Variants in IFT80 observed in about 807,000 individuals in gnomAD.
The protein encoded by IFT80 is intraflagellar transport 80, also known as intraflagellar transport protein 80 homolog.
Under a neutral mutation model 107.9 loss-of-function variants are expected in IFT80, and 79 were observed. That is an observed-to-expected ratio of 0.73 (90% CI 0.61 to 0.88). The LOEUF (loss-of-function observed/expected upper bound fraction) is 0.88, where lower values mean the gene tolerates loss of function less well. Ranked by LOEUF, IFT80 falls within the 40% of genes least tolerant of loss-of-function variation. IFT80 has a pLI of 0.00. For synonymous variants in IFT80, 299 were observed against 300.9 expected (o/e 0.99, Z 0.07); for missense variants, 797 against 914.2 (o/e 0.87, Z 1.65).
chr3:160,344,730 C>T (rs896586593), intron 8 of IFT80, among the ~76,000 whole-genome samples: 2 of 151,918 alleles, frequency 1.3e-5, no homozygotes, highest in African/African-American at 4.8e-5. Flanking sequence ...ATAAGGAGAC[C>T]CAACAACCCC....
chr3:160,377,468 G>C lies in IFT80; in HGVS notation c.332C>G (p.Ala111Gly), dbSNP rs557375681. 6 of 1,609,440 alleles carry C rather than the reference G, an allele frequency of 3.7e-6. No individual in the cohort carries two copies. The South Asian group carries it at 6.6e-5, about 18-fold the overall frequency. ...TGTTCCTTCATAATTCCATCTTCCT[G>C]CAAGTACTGCTCCACAGTGAGCTTC... Reference protein sequence around the residue: ...SVEAHCGAVLAGRWNYEGTAL... With the variant: ...SVEAHCGAVLGGRWNYEGTAL... Residue 111 changes from alanine to glycine, a missense_variant, in exon 4 of 20, where the codon GCA (alanine) becomes GGA (glycine). Ala to Gly is a moderately conservative substitution (Grantham distance 60). Transcript: ENST00000326448.
At chr3:160,347,811 G>A (rs549506161) in intron 8 of IFT80, among the ~76,000 whole-genome samples, 116 of 152,194 alleles carry the variant, frequency 7.6e-4, no homozygotes, top group African/African-American at 2.6e-3. Context: ...TCCTGCTCAT[G>A]GACATTTATT....
At chr3:160,390,449 A>C (rs1414141152) in intron 1 of IFT80, among the ~76,000 whole-genome samples, 2 of 152,076 alleles carry the variant, frequency 1.3e-5, no homozygotes, top group African/African-American at 4.8e-5. Flanking sequence ...AAAGAAAAGC[A>C]GTTTCCTTAG....
At chr3:160,334,839 T>C (rs1719349656) in intron 8 of IFT80, among the ~76,000 whole-genome samples, 1 of 152,134 alleles carries the variant, frequency 6.6e-6, no homozygotes, top group African/African-American at 2.4e-5. Context: ...TTCCTTGTTT[T>C]CTAGAATGAT....
chr3:160,280,742 A>G lies in IFT80; in HGVS notation c.1589T>C (p.Ile530Thr). Residue 530 changes from isoleucine (I) to threonine (T), a missense_variant, in exon 15 of 20, where the codon ATA (isoleucine) becomes ACA (threonine). Physicochemically the swap from Ile to Thr is moderately conservative, Grantham distance 89 (BLOSUM62 -1). Transcript: ENST00000326448. ...AACTGTATTGGGGTAATACCACACT[A>G]TAAATCGAGTATCTTGAAGTCCACA... ...ILCGLQDTRFIVWYYPNTVYV... is the reference protein window; with the variant it reads ...ILCGLQDTRFTVWYYPNTVYV... 1 of 1,612,686 alleles carries G rather than the reference A, an allele frequency of 6.2e-7. No homozygotes were observed. The highest frequency in any genetic ancestry group is 1.1e-5 in the South Asian group (1 of 91,052).
chr3:160,321,925 C>G (rs1392702362), intron 8 of IFT80, among the ~76,000 whole-genome samples: 2 of 151,616 alleles, frequency 1.3e-5, no homozygotes, highest in African/African-American at 4.8e-5. Context: ...CAAGAAGTAT[C>G]AAGTTAGGCC....
chr3:160,342,553 T>G (rs1194698989), intron 8 of IFT80: 1 of 152,164 alleles, frequency 6.6e-6, no homozygotes, highest in African/African-American at 2.4e-5. Flanking sequence ...AATGCCAACC[T>G]CACCCTTCTC....
At chr3:160,322,758 C>G (rs1283345770) in intron 8 of IFT80, among the ~76,000 whole-genome samples, 22 of 152,010 alleles carry the variant, frequency 1.4e-4, no homozygotes, top group East Asian at 5.8e-4. Context: ...TCTCATTGTG[C>G]TTTTGATTTG....
intron 8 of IFT80, among the ~76,000 whole-genome samples, chr3:160,339,323 T>C (rs1719719180): frequency 6.6e-6 from 1 of 152,200 alleles, no homozygotes; most frequent in African/African-American, 2.4e-5. Flanking sequence ...CTAAAATAAG[T>C]ATATCAATAC....
In IFT80 at chr3:160,258,277, A is replaced by C. The variant is rs1712514609; in HGVS notation, c.*248T>G. ...GGCAAAAAACTGACATATAATCGAC[A>C]CTACACAGGTATCTCTTAAGTACAT... On this transcript the variant is annotated 3_prime_UTR_variant, in exon 20 of 20. Coordinates refer to ENST00000326448, the MANE Select transcript of IFT80 (RefSeq NM_020800.3). 1.9e-6 allele frequency: 1 copy of C among 519,060 alleles called. No individual in the cohort carries two copies. Among genetic ancestry groups the C allele is most frequent in the Admixed American group, 3.3e-5 (1 of 29,918 alleles). The allele number at this position is 519,060 out of a possible 1,614,324, so 32.2% of individuals were successfully genotyped here.
chr3:160,375,841 C>T lies in IFT80; in HGVS notation c.410G>A (p.Gly137Glu), dbSNP rs148764928. 1 of 1,611,926 alleles carries T rather than the reference C, an allele frequency of 6.2e-7. No individual in the cohort carries two copies. Among genetic ancestry groups the T allele is most frequent in the East Asian group, 2.2e-5 (1 of 44,708 alleles). Reference sequence around the variant, plus strand: ...CTGAGCTAAAGTTGATCTAAGCATCCCAGTCTTTGACCAAATTTTTATTTG... The same window carrying T: ...CTGAGCTAAAGTTGATCTAAGCATCTCAGTCTTTGACCAAATTTTTATTTG... The part of the protein sequence containing the change: ...DGQIKIWSKT[G>E]MLRSTLAQQG... The change falls in exon 5 of 20, where the codon GGG (glycine) becomes GAG (glutamate). Residue 137 changes from glycine (G) to glutamate (E), a missense_variant. Transcript: ENST00000326448.
At chr3:160,267,268 G>A (rs902910011) in intron 19 of IFT80, among the ~76,000 whole-genome samples, 2 of 152,058 alleles carry the variant, frequency 1.3e-5, no homozygotes, top group Non-Finnish European at 2.9e-5. Flanking sequence ...TAGAAATTGT[G>A]GGTGCCTTCT....
chr3:160,397,019 T>G (rs567564619), intron 1 of IFT80, among the ~76,000 whole-genome samples: 2 of 152,322 alleles, frequency 1.3e-5, no homozygotes, highest in African/African-American at 4.8e-5. Context: ...ATCAGTCAGT[T>G]GATTTATCAA....
At chr3:160,285,317 T>C (rs1390527736) in intron 13 of IFT80, among the ~76,000 whole-genome samples, 1 of 152,342 alleles carries the variant, frequency 6.6e-6, no homozygotes, top group Non-Finnish European at 1.5e-5. Context: ...CTCAATGCAA[T>C]GTGCTTCTTT....
intron 1 of IFT80, among the ~76,000 whole-genome samples, chr3:160,390,167 C>T (rs1713259817): frequency 1.3e-5 from 2 of 152,040 alleles, no homozygotes; most frequent in African/African-American, 4.8e-5. Flanking sequence ...CCTGTAATCC[C>T]AGCACTTTGG....
intron 9 of IFT80, among the ~76,000 whole-genome samples, chr3:160,316,797 C>T (rs1468589264): frequency 6.6e-6 from 1 of 152,204 alleles, no homozygotes; most frequent in Non-Finnish European, 1.5e-5. Flanking sequence ...AAAAAAAGCA[C>T]TCTTTCCGCT....
chr3:160,377,696 A>G, intron 3 of IFT80, 156 bp from the exon 4 acceptor site: 1 of 483,618 alleles, frequency 2.1e-6, no homozygotes, highest in Non-Finnish European at 3.7e-6. Context: ...AATAGGCACA[A>G]AAACAAAATT....
In IFT80 at chr3:160,294,639, C is replaced by T. The variant is rs146187033; in HGVS notation, c.1315+6244G>A. The stretch of plus-strand genomic sequence containing the variant: ...TGAGATTCTCCATAAGTCATCAATA[C>T]GGTGTTACAAATTTGTGGCCTTATT... On this transcript the variant is annotated intron_variant, in intron 12 of 19. Transcript: ENST00000326448. Among the ~76,000 whole-genome samples, 763 of 152,318 alleles carry T rather than the reference C, an allele frequency of 5.0e-3. 7 individuals are homozygous for T. Among genetic ancestry groups the T allele is most frequent in the Middle Eastern group, 0.048 (14 of 294 alleles).
intron 12 of IFT80, among the ~76,000 whole-genome samples, chr3:160,294,765 G>A (rs914727918): frequency 6.6e-6 from 1 of 152,152 alleles, no homozygotes; most frequent in Non-Finnish European, 1.5e-5. Flanking sequence ...GCTAAGCTAA[G>A]CTCCCAGTCT....
Sources: allele counts gnomAD v4.1 joint callset (sites outside exome capture counted in the v4.1 genomes callset), GRCh38; gene constraint gnomAD v4.1.1; transcripts MANE v1.5; gene names NCBI Gene and HGNC (gene_info 2026-07-23, HGNC 2026-07-21).